The following PTPRD variants were observed in gnomAD, a reference collection of about 807,000 sequenced individuals.
The protein encoded by PTPRD is receptor-type tyrosine-protein phosphatase delta.
In PTPRD, 34 loss-of-function variants were observed where a neutral mutation model predicts 214.5. The observed-to-expected ratio is 0.16, with a 90% CI of 0.12 to 0.21. PTPRD has a LOEUF of 0.21. PTPRD is among the 10% of genes least tolerant of loss of function. The pLI, the probability that PTPRD is intolerant of heterozygous loss-of-function variation, is 1.00. For synonymous variants in PTPRD, 1,128 were observed against 845.7 expected, an observed-to-expected ratio of 1.33 and a Z score of -5.79; for missense variants, 2,545 against 2,398.7, an observed-to-expected ratio of 1.06 and a Z score of -1.27.
chr9:9,536,959 G>A (rs1162874593), intron 8 of PTPRD, among the ~76,000 whole-genome samples: 2 of 151,950 alleles, frequency 1.3e-5, no homozygotes, highest in African/African-American at 4.8e-5. Flanking sequence ...GAACAGCTAA[G>A]TACGTATCAG....
chr9:8,516,290 T>G (rs897360408), intron 21 of PTPRD, among the ~76,000 whole-genome samples: 1 of 152,326 alleles, frequency 6.6e-6, no homozygotes, highest in East Asian at 1.9e-4. Context: ...ACAGAAGTAC[T>G]GCAAATGGCA....
intron 9 of PTPRD, among the ~76,000 whole-genome samples, chr9:9,212,727 G>C (rs1292850451): frequency 6.6e-6 from 1 of 152,118 alleles, no homozygotes; most frequent in Admixed American, 6.6e-5. Context: ...AACTAATACA[G>C]ATATGGGTTA....
At chr9:9,039,997 C>A (rs1428187846) in intron 10 of PTPRD, among the ~76,000 whole-genome samples, 3 of 150,730 alleles carry the variant, frequency 2.0e-5, no homozygotes, top group Non-Finnish European at 4.4e-5. Context: ...TTTTTTCTGG[C>A]AGCATTTAAA....
At chr9:8,640,501 G>A (rs562042923) in intron 12 of PTPRD, among the ~76,000 whole-genome samples, 1 of 150,056 alleles carries the variant, frequency 6.7e-6, no homozygotes, top group South Asian at 2.1e-4. Context: ...TTTAGGACCT[G>A]GAACTATTTT....
At chr9:10,349,694 A>C (rs2097149857) in intron 2 of PTPRD, among the ~76,000 whole-genome samples, 2 of 152,236 alleles carry the variant, frequency 1.3e-5, no homozygotes, top group Admixed American at 1.3e-4. Context: ...TAATTTAAAA[A>C]TAATCATTAA....
intron 34 of PTPRD, among the ~76,000 whole-genome samples, chr9:8,449,091 A>C (rs1300626605): frequency 1.3e-5 from 2 of 152,212 alleles, no homozygotes; most frequent in African/African-American, 4.8e-5. Context: ...TAGGAATAGT[A>C]GTGTTCCTCT....
At chr9:10,115,749 A>T (rs2098725830) in intron 3 of PTPRD, among the ~76,000 whole-genome samples, 1 of 152,096 alleles carries the variant, frequency 6.6e-6, no homozygotes, top group African/African-American at 2.4e-5. Context: ...TTATAACTGG[A>T]ATAGTGTGAT....
chr9:9,407,327 C>T (rs936629185), intron 8 of PTPRD, among the ~76,000 whole-genome samples: 2 of 151,500 alleles, frequency 1.3e-5, no homozygotes, highest in East Asian at 3.9e-4. Flanking sequence ...GTGAATTCAT[C>T]CAATTTACTA....
At chr9:10,029,884 A>G (rs527591019) in intron 4 of PTPRD, among the ~76,000 whole-genome samples, 2 of 152,044 alleles carry the variant, frequency 1.3e-5, no homozygotes, top group Non-Finnish European at 2.9e-5. Flanking sequence ...CTGTGTCCCC[A>G]CTCAAATTTC....
intron 8 of PTPRD, among the ~76,000 whole-genome samples, chr9:9,517,304 G>A (rs1316487404): frequency 3.9e-5 from 6 of 152,082 alleles, no homozygotes; most frequent in Admixed American, 3.3e-4. Flanking sequence ...GTATGGGGTA[G>A]GGAGACGCCC....
In PTPRD at chr9:9,807,185, G is replaced by A. The variant is rs114381628; in HGVS notation, c.-367-40334C>T. On this transcript the variant is annotated intron_variant, in intron 5 of 45. Transcript: ENST00000381196. ...CCCTCAGCAGAATTATTTCCATTGAGGAGGCAAGAATTGAGTTGCTACAGG... is the reference window on the plus strand; with the variant it reads ...CCCTCAGCAGAATTATTTCCATTGAAGAGGCAAGAATTGAGTTGCTACAGG... Among the ~76,000 whole-genome samples, 507 of 152,222 alleles carry A rather than the reference G, an allele frequency of 3.3e-3. 1 individual carries two copies. Among genetic ancestry groups the A allele is most frequent in the African/African-American group, 0.012 (494 of 41,526 alleles).
At chr9:10,246,894 C>CAATAAATA (rs1030428040) in intron 3 of PTPRD, among the ~76,000 whole-genome samples, 1 of 150,138 alleles carries the variant, frequency 6.7e-6, no homozygotes, top group Non-Finnish European at 1.5e-5. Flanking sequence ...AACTCTGTCT[C>CAATAAATA]AATAAATAAA....
intron 8 of PTPRD, among the ~76,000 whole-genome samples, chr9:9,475,841 T>C (rs922151950): frequency 1.3e-5 from 2 of 152,208 alleles, no homozygotes; most frequent in Non-Finnish European, 2.9e-5. Flanking sequence ...GTTCTTCTGA[T>C]GCAGATGGAC....
intron 3 of PTPRD, among the ~76,000 whole-genome samples, chr9:10,069,636 G>A (rs889962611): frequency 6.6e-6 from 1 of 152,014 alleles, no homozygotes; most frequent in African/African-American, 2.4e-5. Context: ...ATTAGCCACT[G>A]AGACTTGACT....
intron 3 of PTPRD, among the ~76,000 whole-genome samples, chr9:10,045,526 T>G (rs1292281572): frequency 6.6e-6 from 1 of 151,712 alleles, no homozygotes; most frequent in Non-Finnish European, 1.5e-5. Flanking sequence ...ATAAGATATT[T>G]TTTATATTCA....
In PTPRD at chr9:10,492,000, G is replaced by A. The variant is rs146905314; in HGVS notation, c.-600+120398C>T. Among the ~76,000 whole-genome samples, 164 of 152,220 alleles carry A rather than the reference G, an allele frequency of 1.1e-3. 1 individual carries two copies. Among genetic ancestry groups the A allele is most frequent in the African/African-American group, 3.5e-3 (147 of 41,550 alleles). The stretch of plus-strand genomic sequence containing the variant: ...GTTCCTGTGTTAGTTTGCTGAGAAT[G>A]ATGGTTTCCAGCTTCATCTATGTCC... On this transcript the variant is annotated intron_variant, in intron 2 of 45. Coordinates refer to ENST00000381196, the MANE Select transcript of PTPRD (RefSeq NM_002839.4).
rs1299581985 is a variant in PTPRD, at chr9:8,562,974, T to C, written c.353-34195A>G. ...TTTTTGCATATGGGCACCCACTTTT[T>C]CCAGCACCAATTGTTGAAAAGGCAG... On this transcript the variant is annotated intron_variant, in intron 14 of 45. Transcript: ENST00000381196. Among the ~76,000 whole-genome samples the C allele has an allele frequency of 5.3e-5, 8 of 152,250 alleles. No homozygotes were observed. In the East Asian group the frequency reaches 1.4e-3, roughly 26 times the overall value.
At chr9:9,658,810 T>C (rs1191348019) in intron 7 of PTPRD, among the ~76,000 whole-genome samples, 1 of 152,132 alleles carries the variant, frequency 6.6e-6, no homozygotes, top group Non-Finnish European at 1.5e-5. Flanking sequence ...ATAAGCATTA[T>C]CTTATTTAAT....
At chr9:9,356,941 G>C (rs1439800784) in intron 9 of PTPRD, among the ~76,000 whole-genome samples, 2 of 151,392 alleles carry the variant, frequency 1.3e-5, no homozygotes, top group Non-Finnish European at 3.0e-5. Flanking sequence ...CAGAAAATTA[G>C]AGGGAAATAC....
Sources: gnomAD v4.1 joint callset for allele counts (sites outside exome capture counted in the v4.1 genomes callset) on GRCh38, gnomAD v4.1.1 for gene constraint, MANE v1.5 for transcripts, NCBI Gene and HGNC (gene_info 2026-07-23, HGNC 2026-07-21) for gene names.